The following PTDSS1 variants were observed in gnomAD, a reference collection of about 807,000 sequenced individuals.
The protein encoded by PTDSS1 is phosphatidylserine synthase 1.
Under a neutral mutation model 70.5 loss-of-function variants are expected in PTDSS1, and 45 were observed. The ratio of observed to expected loss-of-function variants is 0.64; its 90% confidence interval spans 0.50 to 0.82. The LOEUF is 0.82. PTDSS1 is among the 40% of genes least tolerant of loss of function. PTDSS1 has a pLI of 0.00. For missense variants in PTDSS1, 417 were observed against 586.1 expected, an observed-to-expected ratio of 0.71 and a Z score of 2.98; for synonymous variants, 188 against 203.8, an observed-to-expected ratio of 0.92 and a Z score of 0.66.
intron 1 of PTDSS1, among the ~76,000 whole-genome samples, chr8:96,272,675 GT>G (rs1194249899): frequency 1.3e-5 from 2 of 152,166 alleles, no homozygotes; most frequent in African/African-American, 4.8e-5. Context: ...GTAAAATGTG[GT>G]TGATAATACT....
intron 2 of PTDSS1, among the ~76,000 whole-genome samples, chr8:96,276,978 G>GCACACACACACACACA (rs1157385221): frequency 1.8e-4 from 23 of 129,736 alleles, no homozygotes; most frequent in African/African-American, 5.1e-4. Context: ...GCGCACGCGC[G>GCACACACACACACACA]CGCACACACA....
chr8:96,265,849 T>C (rs1007098021), intron 1 of PTDSS1, among the ~76,000 whole-genome samples: 1 of 152,228 alleles, frequency 6.6e-6, no homozygotes, highest in Non-Finnish European at 1.5e-5. Context: ...CCTAGCACTT[T>C]GGGAAGCCAA....
At position 96,310,913 on chromosome 8, in the gene PTDSS1, G is replaced by A. The variant is rs372710077; in HGVS notation, c.1073+1291G>A. On this transcript the variant is annotated intron_variant, in intron 9 of 12. Coordinates refer to ENST00000517309, the MANE Select transcript of PTDSS1 (RefSeq NM_014754.3). ...CCCAAGTAGCTGGGACTACAGGCGCGTGCCACCACACCCAGCTAATTTTTG... is the reference window on the plus strand; with the variant it reads ...CCCAAGTAGCTGGGACTACAGGCGCATGCCACCACACCCAGCTAATTTTTG... 2.4e-4 allele frequency among the ~76,000 whole-genome samples: 36 copies of A among 151,930 alleles called. No individual in the cohort carries two copies. In the East Asian group the frequency reaches 4.1e-3, roughly 17 times the overall value.
intron 1 of PTDSS1, among the ~76,000 whole-genome samples, chr8:96,266,070 T>C (rs1810481732): frequency 6.6e-6 from 1 of 152,256 alleles, no homozygotes; most frequent in Non-Finnish European, 1.5e-5. Context: ...TTACTCTGCA[T>C]TCAGGGGTTG....
chr8:96,294,595 C>T (rs1405398521), intron 4 of PTDSS1, among the ~76,000 whole-genome samples: 1 of 151,980 alleles, frequency 6.6e-6, no homozygotes, highest in Non-Finnish European at 1.5e-5. Flanking sequence ...TCTAGCATAA[C>T]TATTTAAGGC....
chr8:96,319,805 G>C (rs116172316), intron 9 of PTDSS1, among the ~76,000 whole-genome samples: 31 of 152,212 alleles, frequency 2.0e-4, no homozygotes, highest in African/African-American at 7.5e-4. Context: ...TAGGACCCAG[G>C]GTAGGAGGTA....
intron 4 of PTDSS1, among the ~76,000 whole-genome samples, chr8:96,291,307 G>A (rs1057401637): frequency 3.3e-5 from 5 of 152,144 alleles, no homozygotes; most frequent in African/African-American, 1.2e-4. Context: ...CTATGCAAGA[G>A]TAGAGAGAAT....
chr8:96,266,994 A>C (rs1365643520), intron 1 of PTDSS1, among the ~76,000 whole-genome samples: 1 of 152,214 alleles, frequency 6.6e-6, no homozygotes. Flanking sequence ...CTCAGCCCAC[A>C]GAGATTATAT....
intron 9 of PTDSS1, among the ~76,000 whole-genome samples, chr8:96,315,700 C>A (rs555447096): frequency 4.3e-4 from 66 of 152,280 alleles, no homozygotes; most frequent in African/African-American, 1.5e-3. Flanking sequence ...AGCAGAAGCA[C>A]CTCAGGCTGC....
intron 10 of PTDSS1, among the ~76,000 whole-genome samples, chr8:96,320,574 G>A (rs1432505782): frequency 1.3e-5 from 2 of 152,034 alleles, no homozygotes; most frequent in African/African-American, 2.4e-5. Context: ...AAACGCCTTC[G>A]ACAGGTACAC....
At chr8:96,272,619 C>T (rs1810582577) in intron 1 of PTDSS1, among the ~76,000 whole-genome samples, 1 of 152,180 alleles carries the variant, frequency 6.6e-6, no homozygotes, top group African/African-American at 2.4e-5. Flanking sequence ...CCTACACAAC[C>T]TCAGACAAGT....
At chr8:96,263,952 A>G (rs1442832114) in intron 1 of PTDSS1, among the ~76,000 whole-genome samples, 1 of 152,204 alleles carries the variant, frequency 6.6e-6, no homozygotes, top group African/African-American at 2.4e-5. Context: ...GTGTTTATCC[A>G]TTTGAAAGAA....
intron 10 of PTDSS1, among the ~76,000 whole-genome samples, chr8:96,323,689 G>A (rs1811402468): frequency 6.6e-6 from 1 of 152,200 alleles, no homozygotes; most frequent in Non-Finnish European, 1.5e-5. Context: ...TGTGATGGGA[G>A]GGGCAGCCTT....
chr8:96,327,874 A>G (rs1563586357), intron 10 of PTDSS1, among the ~76,000 whole-genome samples: 1 of 152,012 alleles, frequency 6.6e-6, no homozygotes, highest in East Asian at 1.9e-4. Flanking sequence ...TGCAATTGCT[A>G]TTTTAAATCT....
intron 9 of PTDSS1, among the ~76,000 whole-genome samples, chr8:96,310,398 A>G (rs952618195): frequency 1.3e-5 from 2 of 151,396 alleles, no homozygotes; most frequent in African/African-American, 4.8e-5. Context: ...CTCTGACCTC[A>G]TGATCTGACC....
At chr8:96,311,835 A>C (rs760007912) in intron 9 of PTDSS1, among the ~76,000 whole-genome samples, 10 of 152,184 alleles carry the variant, frequency 6.6e-5, no homozygotes, top group Admixed American at 6.5e-4. Context: ...CTCCCGCTTC[A>C]TGTGTGAGGG....
Position 96,266,822 on chromosome 8 carries a change from C to T in PTDSS1, c.179+4603C>T, listed in dbSNP as rs1042323669. On this transcript the variant is annotated intron_variant, in intron 1 of 12. Transcript: ENST00000517309. The stretch of plus-strand genomic sequence containing the variant: ...CATTTGAATCAAATTTTTTATTGAA[C>T]TTAATGTTTTACATTTTTTCTTATA... Among the ~76,000 whole-genome samples the T allele has an allele frequency of 5.9e-5, 9 of 152,164 alleles. 1 individual carries two copies. The highest frequency in any genetic ancestry group is 9.7e-5 in the African/African-American group (4 of 41,432).
At chr8:96,312,460 CTCTT>C (rs1811226419) in intron 9 of PTDSS1, among the ~76,000 whole-genome samples, 1 of 144,786 alleles carries the variant, frequency 6.9e-6, no homozygotes, top group Non-Finnish European at 1.5e-5. Context: ...CCCTGTCTCT[CTCTT>C]TTTTTTTTTT....
intron 2 of PTDSS1, among the ~76,000 whole-genome samples, chr8:96,283,007 TG>T (rs1402210716): frequency 6.6e-6 from 1 of 152,232 alleles, no homozygotes; most frequent in Admixed American, 6.5e-5. Context: ...CCAGCAAGCA[TG>T]GGCTATGGTC....
Sources: gnomAD v4.1 joint callset for allele counts (sites outside exome capture counted in the v4.1 genomes callset) on GRCh38, gnomAD v4.1.1 for gene constraint, MANE v1.5 for transcripts, NCBI Gene and HGNC (gene_info 2026-07-23, HGNC 2026-07-21) for gene names.